SOX5: variants seen among roughly 807,000 people sequenced by gnomAD.
SOX5 encodes SRY-box transcription factor 5, also known as transcription factor SOX-5.
A neutral mutation model predicts 92.0 loss-of-function variants in SOX5; 9 were observed. The observed-to-expected ratio is 0.10, with a 90% CI of 0.06 to 0.17. SOX5 has a LOEUF of 0.17. Ranked by LOEUF, SOX5 falls within the 10% of genes least tolerant of loss-of-function variation. SOX5 has a pLI of 1.00. For synonymous variants in SOX5, 344 were observed against 336.3 expected, an observed-to-expected ratio of 1.02 and a Z score of -0.25; for missense variants, 642 against 944.5, an observed-to-expected ratio of 0.68 and a Z score of 4.20.
intron 9 of SOX5, among the ~76,000 whole-genome samples, chr12:23,599,214 A>G (rs368874554): frequency 2.0e-5 from 3 of 152,232 alleles, no homozygotes; most frequent in African/African-American, 7.2e-5. Context: ...TCAGATAACA[A>G]TAAAGTTCCA....
chr12:23,808,072 A>G (rs1685071531), intron 3 of SOX5, among the ~76,000 whole-genome samples: 1 of 151,912 alleles, frequency 6.6e-6, no homozygotes, highest in Non-Finnish European at 1.5e-5. Flanking sequence ...TGTGCAGAAT[A>G]TATGTTTGAG....
chr12:23,888,654 C>T (rs563717060), intron 2 of SOX5, among the ~76,000 whole-genome samples: 14 of 152,186 alleles, frequency 9.2e-5, no homozygotes, highest in South Asian at 2.1e-4. Context: ...GTTTTTCACA[C>T]GTCCCCATTC....
chr12:23,817,274 C>T (rs2096013412), intron 3 of SOX5, among the ~76,000 whole-genome samples: 1 of 152,116 alleles, frequency 6.6e-6, no homozygotes, highest in African/African-American at 2.4e-5. Flanking sequence ...ATAATCTTGA[C>T]TCAACTTTCC....
At chr12:23,747,434 T>C (rs745949837) in intron 4 of SOX5, among the ~76,000 whole-genome samples, 1 of 152,188 alleles carries the variant, frequency 6.6e-6, no homozygotes, top group African/African-American at 2.4e-5. Context: ...AGCTTTATTC[T>C]GCACATGGAA....
intron 3 of SOX5, among the ~76,000 whole-genome samples, chr12:24,273,027 G>A (rs762215188): frequency 2.0e-5 from 3 of 152,184 alleles, no homozygotes; most frequent in Non-Finnish European, 2.9e-5. Flanking sequence ...GAGGTCAGGA[G>A]TTTGAGACCA....
At chr12:23,909,672 G>C (rs2097330190) in intron 1 of SOX5, among the ~76,000 whole-genome samples, 1 of 152,096 alleles carries the variant, frequency 6.6e-6, no homozygotes, top group African/African-American at 2.4e-5. Context: ...GTATAAACCA[G>C]TCCTGTCAAA....
rs111768509 is a variant in SOX5, at chr12:24,093,292, C to T, written c.-2+120051G>A. 7.9e-3 allele frequency among the ~76,000 whole-genome samples: 1,197 copies of T among 152,050 alleles called. 14 individuals are homozygous for T. Among genetic ancestry groups the T allele is most frequent in the African/African-American group, 0.027 (1,126 of 41,498 alleles). On this transcript the variant is annotated intron_variant, in intron 4 of 4. Coordinates refer to the SOX5 transcript ENST00000446891. ...ATCCCAGCACTTTGGGAGGCCGAGG[C>T]GGGCAGATCACGAGGTCCGGAGATC...
At chr12:24,305,958 A>G (rs1347505654) in intron 2 of SOX5, among the ~76,000 whole-genome samples, 1 of 152,212 alleles carries the variant, frequency 6.6e-6, no homozygotes, top group Non-Finnish European at 1.5e-5. Context: ...AAGCAAATCA[A>G]GACCAAACAA....
chr12:24,288,797 C>G (rs1421709884), intron 2 of SOX5, among the ~76,000 whole-genome samples: 1 of 151,740 alleles, frequency 6.6e-6, no homozygotes, highest in African/African-American at 2.4e-5. Flanking sequence ...GGCCCCTCCC[C>G]ACCACCTGCA....
At chr12:23,774,645 T>C (rs1290008185) in intron 3 of SOX5, among the ~76,000 whole-genome samples, 1 of 152,142 alleles carries the variant, frequency 6.6e-6, no homozygotes, top group Non-Finnish European at 1.5e-5. Context: ...AGCATCAGCA[T>C]AGCAAAGAGA....
chr12:24,306,819 G>A (rs867762912), intron 2 of SOX5, among the ~76,000 whole-genome samples: 2 of 152,070 alleles, frequency 1.3e-5, no homozygotes, highest in African/African-American at 4.8e-5. Flanking sequence ...TGTCACAAAT[G>A]CCCAAATCCC....
chr12:24,551,271 T>G (rs1363913665), intron 1 of SOX5, among the ~76,000 whole-genome samples: 1 of 152,220 alleles, frequency 6.6e-6, no homozygotes. Context: ...AGCAAGACAC[T>G]GTGCTGGGCA....
At chr12:23,760,568 A>G (rs1387036631) in intron 3 of SOX5, among the ~76,000 whole-genome samples, 2 of 151,742 alleles carry the variant, frequency 1.3e-5, no homozygotes, top group South Asian at 2.1e-4. Context: ...TTGCTCACAT[A>G]TGCTTCTTCA....
chr12:23,968,259 G>A (rs1429913833), intron 4 of SOX5, among the ~76,000 whole-genome samples: 3 of 152,072 alleles, frequency 2.0e-5, no homozygotes, highest in African/African-American at 4.8e-5. Flanking sequence ...CATACAGTGT[G>A]ATCAAAACTA....
rs754682828 is a variant in SOX5, at chr12:23,895,899, T to G, written c.164A>C (p.His55Pro). 3 of 1,614,062 alleles carry G rather than the reference T, an allele frequency of 1.9e-6. No individual in the cohort carries two copies. Among genetic ancestry groups the G allele is most frequent in the Non-Finnish European group, 1.7e-6 (2 of 1,179,914 alleles). The change falls in exon 2 of 15, where the codon CAT becomes CCT. Residue 55 changes from histidine (H) to proline (P), a missense_variant. Transcript: ENST00000451604. ...DGLPAFHLPL[H>P]VSFPNKPHSE... is the part of the protein sequence containing the mutation. ...GTGAGGCTTGTTGGGAAAACTCACA[T>G]GCAAGGGAAGGTGAAAGGCTGGGAG...
At chr12:24,281,330 G>C (rs1344225402) in intron 2 of SOX5, among the ~76,000 whole-genome samples, 2 of 151,668 alleles carry the variant, frequency 1.3e-5, no homozygotes, top group Non-Finnish European at 2.9e-5. Context: ...AGACTCTACG[G>C]AAAGGGTCAT....
chr12:23,740,051 T>C (rs1299857304), intron 5 of SOX5, among the ~76,000 whole-genome samples: 1 of 152,308 alleles, frequency 6.6e-6, no homozygotes, highest in East Asian at 1.9e-4. Context: ...GTCAAATAAA[T>C]GAATGAATGT....
chr12:24,015,102 CTCTCTCTT>C (rs1953442353), intron 4 of SOX5, among the ~76,000 whole-genome samples: 1 of 151,972 alleles, frequency 6.6e-6, no homozygotes, highest in Non-Finnish European at 1.5e-5. Flanking sequence ...CTGTCTCTCT[CTCTCTCTT>C]TCTCTCTCTC....
At chr12:24,242,694 T>C (rs1937669927) in intron 3 of SOX5, among the ~76,000 whole-genome samples, 1 of 140,212 alleles carries the variant, frequency 7.1e-6, no homozygotes, top group East Asian at 2.1e-4. Context: ...AAGATCATTC[T>C]GAGTGCTAAT....
Sources: allele counts gnomAD v4.1 joint callset (sites outside exome capture counted in the v4.1 genomes callset), GRCh38; gene constraint gnomAD v4.1.1; transcripts MANE v1.5; gene names NCBI Gene and HGNC (gene_info 2026-07-23, HGNC 2026-07-21).